The following NCKAP5 variants were observed in gnomAD, a reference collection of about 807,000 sequenced individuals.
The protein encoded by NCKAP5 is NCK associated protein 5.
In NCKAP5, 92 loss-of-function variants were observed where a neutral mutation model predicts 167.0. That is an observed-to-expected ratio of 0.55 (90% CI 0.47 to 0.66). The LOEUF is 0.66. NCKAP5 is among the 30% of genes least tolerant of loss of function. The pLI is 0.00. For synonymous variants in NCKAP5, 891 were observed against 877.4 expected, an observed-to-expected ratio of 1.02 and a Z score of -0.27; for missense variants, 2,378 against 2,315.0, an observed-to-expected ratio of 1.03 and a Z score of -0.56.
chr2:132,865,376 A>G, intron 10 of NCKAP5, among the ~76,000 whole-genome samples: 1 of 152,208 alleles, frequency 6.6e-6, no homozygotes, highest in African/African-American at 2.4e-5. Context: ...TGAGCCCATT[A>G]CCAAAGCTAG....
chr2:133,566,004 A>C (rs1406909966), intron 1 of NCKAP5, among the ~76,000 whole-genome samples: 1 of 152,228 alleles, frequency 6.6e-6, no homozygotes, highest in Non-Finnish European at 1.5e-5. Context: ...AAAAAATGGC[A>C]CAAGATACCA....
intron 1 of NCKAP5, among the ~76,000 whole-genome samples, chr2:133,562,600 C>T (rs970331952): frequency 7.2e-5 from 11 of 152,296 alleles, no homozygotes; most frequent in Middle Eastern, 3.4e-3. Context: ...TATTTATCTG[C>T]CATGTTATTA....
chr2:132,788,676 T>C (rs991050352), intron 13 of NCKAP5, among the ~76,000 whole-genome samples: 1 of 152,178 alleles, frequency 6.6e-6, no homozygotes, highest in Non-Finnish European at 1.5e-5. Context: ...CATTCCTCTG[T>C]AGGGCAGGCT....
chr2:133,308,406 C>T (rs1039232063), intron 3 of NCKAP5, among the ~76,000 whole-genome samples: 1 of 151,562 alleles, frequency 6.6e-6, no homozygotes, highest in Non-Finnish European at 1.5e-5. Context: ...ATTTTTGACT[C>T]GATAATAAAA....
At chr2:133,010,944 AT>A (rs1412621521) in intron 6 of NCKAP5, among the ~76,000 whole-genome samples, 5 of 152,218 alleles carry the variant, frequency 3.3e-5, no homozygotes, top group African/African-American at 7.2e-5. Flanking sequence ...TTTTAAAAAA[AT>A]GTCTTTGATA....
chr2:133,544,491 T>C (rs1320844072), intron 2 of NCKAP5, among the ~76,000 whole-genome samples: 1 of 152,252 alleles, frequency 6.6e-6, no homozygotes, highest in East Asian at 1.9e-4. Flanking sequence ...CTTAATAATA[T>C]GTCACAGAGG....
At chr2:133,619,110 A>G in the NCKAP5 span, among the ~76,000 whole-genome samples, 1 of 131,002 alleles carries the variant, frequency 7.6e-6, no homozygotes, top group Non-Finnish European at 1.6e-5. Context: ...AACAATGAGA[A>G]CACATGAACA....
the NCKAP5 span, among the ~76,000 whole-genome samples, chr2:133,649,606 T>G: frequency 6.6e-6 from 1 of 152,150 alleles, no homozygotes; most frequent in African/African-American, 2.4e-5. Flanking sequence ...ATTAATGTGC[T>G]ACACCACATT....
chr2:133,395,431 A>G (rs766610046), intron 3 of NCKAP5, among the ~76,000 whole-genome samples: 1 of 152,304 alleles, frequency 6.6e-6, no homozygotes, highest in Non-Finnish European at 1.5e-5. Flanking sequence ...TTCCCATTCA[A>G]TGGTACTGGT....
rs889694965 is a variant in NCKAP5 at position 132,844,890 on chromosome 2, C to T, written c.807+15602G>A. 2.6e-5 allele frequency among the ~76,000 whole-genome samples: 4 copies of T among 152,154 alleles called. No individual in the cohort carries two copies. The South Asian group carries it at 6.2e-4, about 24-fold the overall frequency. On this transcript the variant is annotated intron_variant, in intron 11 of 19. Transcript: ENST00000409261. ...TTTATAACCTTGCCAGAAACGCATG[C>T]GGTTTACATTTTCAACATTTGTGTA... is the stretch of plus-strand genomic sequence containing the variant.
In NCKAP5 at chr2:132,855,895, T is replaced by C. The variant is rs200312277; in HGVS notation, c.807+4597A>G. ...AAAAGTGTATAATGGTTGGGTGCAA[T>C]GGCTTATGACTGTAATCCCAGCACT... On this transcript the variant is annotated intron_variant, in intron 11 of 19. Transcript: ENST00000409261. 5.9e-5 allele frequency among the ~76,000 whole-genome samples: 9 copies of C among 152,302 alleles called. No individual in the cohort carries two copies. In the East Asian group the frequency reaches 1.7e-3, roughly 29 times the overall value.
At chr2:133,101,020 G>T (rs2081496201) in intron 6 of NCKAP5, among the ~76,000 whole-genome samples, 1 of 152,120 alleles carries the variant, frequency 6.6e-6, no homozygotes, top group Non-Finnish European at 1.5e-5. Context: ...TTCTTCTAGG[G>T]TTTTTATGGT....
intron 6 of NCKAP5, among the ~76,000 whole-genome samples, chr2:133,070,577 C>G (rs762195954): frequency 6.6e-6 from 1 of 152,130 alleles, no homozygotes; most frequent in South Asian, 2.1e-4. Flanking sequence ...GTTCATCACC[C>G]CATCCTCAGC....
intron 5 of NCKAP5, among the ~76,000 whole-genome samples, chr2:133,181,311 A>G (rs900931760): frequency 5.3e-5 from 8 of 152,070 alleles, no homozygotes; most frequent in Admixed American, 2.0e-4. Flanking sequence ...GATCCACTAG[A>G]AAAGCTACAT....
the NCKAP5 span, among the ~76,000 whole-genome samples, chr2:133,589,468 G>T: frequency 6.6e-6 from 1 of 152,242 alleles, no homozygotes; most frequent in African/African-American, 2.4e-5. Flanking sequence ...TCCAAATGAG[G>T]AGACGTCCAG....
At chr2:132,807,625 T>C (rs563424980) in intron 11 of NCKAP5, among the ~76,000 whole-genome samples, 1 of 152,218 alleles carries the variant, frequency 6.6e-6, no homozygotes, top group Non-Finnish European at 1.5e-5. Context: ...GAAACTTTGC[T>C]GAATTCTTTT....
intron 2 of NCKAP5, among the ~76,000 whole-genome samples, chr2:133,535,903 AT>A (rs1361050320): frequency 5.3e-5 from 8 of 152,112 alleles, no homozygotes; most frequent in South Asian, 2.1e-4. Context: ...GATGTTGAGC[AT>A]TTTTTCAAAT....
In NCKAP5 at chr2:132,944,358, AAATAC is replaced by A. The variant is rs1160772541; in HGVS notation, c.579+19357_579+19361del. ...GAGATATTCAAAGTGAATGACAGCT[AAATAC>A]AATTTTATCTAACATTTTTATTGAG... On this transcript the variant is annotated intron_variant, in intron 8 of 19. Transcript: ENST00000409261. 3.9e-5 allele frequency among the ~76,000 whole-genome samples: 6 copies of A among 152,326 alleles called. No homozygotes were observed. In the East Asian group the frequency reaches 1.2e-3, roughly 29 times the overall value.
At chr2:132,946,057 C>T (rs1697697819) in intron 8 of NCKAP5, among the ~76,000 whole-genome samples, 1 of 152,148 alleles carries the variant, frequency 6.6e-6, no homozygotes, top group East Asian at 1.9e-4. Context: ...CATTTTAATA[C>T]AGAACTCTTG....
Sources: gnomAD v4.1 joint callset for allele counts (sites outside exome capture counted in the v4.1 genomes callset) on GRCh38, gnomAD v4.1.1 for gene constraint, MANE v1.5 for transcripts, NCBI Gene and HGNC (gene_info 2026-07-23, HGNC 2026-07-21) for gene names.